NWD1: variants seen among roughly 807,000 people sequenced by gnomAD.
The protein encoded by NWD1 is NACHT domain- and WD repeat-containing protein 1.
In NWD1, 129 loss-of-function variants were observed where a neutral mutation model predicts 135.1. The ratio of observed to expected loss-of-function variants is 0.96; its 90% confidence interval spans 0.83 to 1.11. The LOEUF (loss-of-function observed/expected upper bound fraction) is 1.11, where lower values mean the gene tolerates loss of function less well. NWD1 is among the 50% of genes least tolerant of loss of function. NWD1 has a pLI of 0.00. For synonymous variants in NWD1, 773 were observed against 786.0 expected (o/e 0.98, Z 0.28); for missense variants, 1,740 against 1,851.3 (o/e 0.94, Z 1.10).
intron 11 of NWD1, among the ~76,000 whole-genome samples, chr19:16,774,474 C>T (rs547825566): frequency 1.3e-5 from 2 of 149,112 alleles, no homozygotes; most frequent in Admixed American, 1.5e-4. Context: ...CATCCATCCA[C>T]CCATCCACCC....
intron 17 of NWD1, 137 bp downstream of exon 17, chr19:16,800,299 C>CT (rs1374767618): frequency 4.7e-6 from 4 of 858,628 alleles, no homozygotes; most frequent in Non-Finnish European, 7.1e-6. Flanking sequence ...TTTGGGAGGC[C>CT]TTGGCGGGTG....
intron 6 of NWD1, among the ~76,000 whole-genome samples, chr19:16,751,317 G>A (rs1007536192): frequency 3.3e-5 from 5 of 151,382 alleles, no homozygotes; most frequent in African/African-American, 9.7e-5. Context: ...GGAGTCAAAA[G>A]TAACAAGCAT....
rs1967833216 is a variant in NWD1 at position 16,736,697 on chromosome 19, T to A, written c.145T>A (p.Cys49Ser). The change falls in exon 4 of 19, where the codon TGC becomes AGC. Residue 49 changes from cysteine (C) to serine (S), a missense_variant. By Grantham distance (112) the Cys-to-Ser change is moderately radical (BLOSUM62 -1). Transcript: ENST00000524140. ...CACTGACCACTTGACCACAGAACTC[T>A]GCTTGGAGGAGGTTGACCGGTGTTG... ...EATDHLTTELCLEEVDRCWKT... is the reference protein window; with the variant it reads ...EATDHLTTELSLEEVDRCWKT... 1 of 1,536,242 alleles carries A rather than the reference T, an allele frequency of 6.5e-7. No homozygotes were observed. The highest frequency in any genetic ancestry group is 1.2e-5 in the South Asian group (1 of 84,066).
intron 6 of NWD1, among the ~76,000 whole-genome samples, chr19:16,757,865 A>T (rs1012184641): frequency 6.6e-6 from 1 of 152,112 alleles, no homozygotes; most frequent in African/African-American, 2.4e-5. Context: ...CAGCCTGGCC[A>T]ACATAGTGAA....
intron 7 of NWD1, among the ~76,000 whole-genome samples, chr19:16,761,298 G>T (rs912035060): frequency 1.3e-5 from 2 of 151,302 alleles, no homozygotes; most frequent in African/African-American, 4.9e-5. Flanking sequence ...CGTTTTTGCT[G>T]TTGTGAACAT....
intron 10 of NWD1, among the ~76,000 whole-genome samples, chr19:16,769,673 C>T (rs34741739): frequency 0.25 from 37,594 of 151,908 alleles, 5,082 homozygotes; most frequent in Middle Eastern, 0.47. Context: ...GGCTGGGACT[C>T]GCCTCCCCCA....
intron 6 of NWD1, among the ~76,000 whole-genome samples, chr19:16,752,962 C>CA (rs1160578739): frequency 3.9e-5 from 6 of 152,194 alleles, no homozygotes; most frequent in Admixed American, 2.0e-4. Flanking sequence ...CATGCCACTG[C>CA]ACTCCAGTCT....
intron 18 of NWD1, among the ~76,000 whole-genome samples, chr19:16,813,253 T>A (rs1970978677): frequency 6.6e-6 from 1 of 152,122 alleles, no homozygotes. Flanking sequence ...GGGGGCTGGT[T>A]ACATCACTAC....
chr19:16,744,075 T>C (rs999370090), intron 4 of NWD1, among the ~76,000 whole-genome samples: 2 of 152,108 alleles, frequency 1.3e-5, no homozygotes, highest in Admixed American at 6.6e-5. Context: ...CATTTACTTA[T>C]ATATTGAATT....
Position 16,730,924 on chromosome 19 carries a change from T to C in NWD1, c.-6-268T>C, listed in dbSNP as rs533688030. On this transcript the variant is annotated intron_variant, in intron 2 of 18. Coordinates refer to ENST00000524140, the MANE Select transcript of NWD1 (RefSeq NM_001007525.5). ...TTTTCTTTCTTTCTTTTTTTTTTTT[T>C]TTTTGAGATGGTGGCAGCAGATGAG... Among the ~76,000 whole-genome samples, 9 of 149,328 alleles carry C rather than the reference T, an allele frequency of 6.0e-5. No individual in the cohort carries two copies. The South Asian group carries it at 1.5e-3, about 25-fold the overall frequency.
intron 1 of NWD1, among the ~76,000 whole-genome samples, chr19:16,722,980 C>T (rs781517913): frequency 1.3e-4 from 20 of 152,104 alleles, no homozygotes; most frequent in Non-Finnish European, 2.6e-4. Flanking sequence ...CATACAACTT[C>T]ACTGGGAGGG....
intron 10 of NWD1, among the ~76,000 whole-genome samples, chr19:16,767,110 C>A (rs1201252854): frequency 6.7e-6 from 1 of 148,944 alleles, no homozygotes; most frequent in Admixed American, 6.7e-5. Context: ...CATAGTTCTG[C>A]ATGGCTGGGA....
At chr19:16,797,137 G>A (rs905595446) in intron 15 of NWD1, among the ~76,000 whole-genome samples, 2 of 150,704 alleles carry the variant, frequency 1.3e-5, no homozygotes, top group Non-Finnish European at 3.0e-5. Context: ...CCAAGATCAT[G>A]CCACTGCACT....
At chr19:16,762,408 T>C (rs1288003735) in intron 8 of NWD1, among the ~76,000 whole-genome samples, 7 of 150,140 alleles carry the variant, frequency 4.7e-5, no homozygotes, top group Non-Finnish European at 3.0e-5. Context: ...GCCATTTTCC[T>C]GCCTCAGCCT....
chr19:16,735,870 A>G (rs1295204539), intron 3 of NWD1, among the ~76,000 whole-genome samples: 10 of 82,304 alleles, frequency 1.2e-4, no homozygotes, highest in African/African-American at 4.9e-4. Flanking sequence ...AGGAAGGAGG[A>G]AGGAAGGAAG....
At chr19:16,731,038 A>C in intron 2 of NWD1, 154 bp from the exon 3 acceptor site, 2 of 485,202 alleles carry the variant, frequency 4.1e-6, no homozygotes, top group Non-Finnish European at 7.3e-6. Context: ...GAGGCCAGGA[A>C]CTCGAGACCA....
chr19:16,753,814 C>A (rs752026663), intron 6 of NWD1, among the ~76,000 whole-genome samples: 5 of 151,124 alleles, frequency 3.3e-5, no homozygotes, highest in Non-Finnish European at 5.9e-5. Context: ...TCCCTCCCTC[C>A]CTCCATCATC....
At chr19:16,768,820 A>C (rs954730375) in intron 10 of NWD1, among the ~76,000 whole-genome samples, 1 of 152,190 alleles carries the variant, frequency 6.6e-6, no homozygotes, top group Non-Finnish European at 1.5e-5. Context: ...TGTGAATAGG[A>C]TGTTAAAAAG....
rs145666110 is a variant in NWD1 at position 16,750,169 on chromosome 19, A to C, written c.1527A>C (p.Ala509=). 1.2e-6 allele frequency: 2 copies of C among 1,613,644 alleles called. No homozygotes were observed. Among genetic ancestry groups the C allele is most frequent in the Non-Finnish European group, 1.7e-6 (2 of 1,179,862 alleles). ...QGQQMIQLLL[A]AARRTLSPVH... ...AGCAGATGATCCAACTCCTGCTGGCAGCTGCAAGGAGGACGCTGAGCCCGG... is the reference window on the plus strand; with the variant it reads ...AGCAGATGATCCAACTCCTGCTGGCCGCTGCAAGGAGGACGCTGAGCCCGG... The change falls in exon 6 of 19, where the codon GCA becomes GCC. Residue 509 remains alanine, a synonymous_variant. Coordinates refer to ENST00000524140, the MANE Select transcript of NWD1 (RefSeq NM_001007525.5).
Sources: allele counts gnomAD v4.1 joint callset (sites outside exome capture counted in the v4.1 genomes callset), GRCh38; gene constraint gnomAD v4.1.1; transcripts MANE v1.5; gene names NCBI Gene and HGNC (gene_info 2026-07-23, HGNC 2026-07-21).